The following TENM2 variants were observed in gnomAD, a reference collection of about 807,000 sequenced individuals.
TENM2 encodes the protein teneurin-2.
In TENM2, 52 loss-of-function variants were observed where a neutral mutation model predicts 245.2. The observed-to-expected ratio is 0.21, with a 90% CI of 0.17 to 0.27. The LOEUF is 0.27. TENM2 is among the 10% of genes least tolerant of loss of function. TENM2 has a pLI of 1.00. For synonymous variants in TENM2, 1,363 were observed against 1,438.9 expected (o/e 0.95, Z 1.19); for missense variants, 3,046 against 3,666.8 (o/e 0.83, Z 4.37).
the TENM2 span, among the ~76,000 whole-genome samples, chr5:167,038,715 C>T: frequency 1.4e-4 from 21 of 152,130 alleles, 1 homozygote; most frequent in Non-Finnish European, 4.4e-5. Flanking sequence ...TCACCTTATA[C>T]CTGTGTAATT....
chr5:167,913,747 A>G (rs1378082332), intron 3 of TENM2, among the ~76,000 whole-genome samples: 2 of 152,204 alleles, frequency 1.3e-5, no homozygotes, highest in Non-Finnish European at 2.9e-5. Context: ...TATTTACTCC[A>G]GAAACTACTG....
In TENM2 at chr5:167,673,905, C is replaced by T. The variant is rs561827560; in HGVS notation, c.503-202081C>T. Among the ~76,000 whole-genome samples the T allele has an allele frequency of 6.6e-5, 10 of 152,100 alleles. No individual in the cohort carries two copies. In the South Asian group the frequency reaches 1.7e-3, roughly 25 times the overall value. On this transcript the variant is annotated intron_variant, in intron 2 of 28. Coordinates refer to ENST00000518659, the Ensembl canonical transcript of TENM2. ...ACTGCAGACTCTTTTGTGTCTATAACGGCTCTTATTTTTCCAGCAACTGGG... is the reference window on the plus strand; with the variant it reads ...ACTGCAGACTCTTTTGTGTCTATAATGGCTCTTATTTTTCCAGCAACTGGG...
intron 2 of TENM2, among the ~76,000 whole-genome samples, chr5:167,460,135 A>T (rs746211778): frequency 2.6e-4 from 39 of 152,162 alleles, no homozygotes; most frequent in Non-Finnish European, 5.3e-4. Flanking sequence ...AGGTCCAGAT[A>T]GGTTAAGTAA....
chr5:167,078,693 G>A, the TENM2 span, among the ~76,000 whole-genome samples: 1 of 152,144 alleles, frequency 6.6e-6, no homozygotes, highest in East Asian at 1.9e-4. Flanking sequence ...TTAGGAAATG[G>A]CAAGCCTCTG....
intron 4 of TENM2, among the ~76,000 whole-genome samples, chr5:167,984,680 T>A (rs982662791): frequency 6.6e-6 from 1 of 151,752 alleles, no homozygotes. Flanking sequence ...TATATGCTTG[T>A]TTTTTTTGTA....
intron 20 of TENM2, among the ~76,000 whole-genome samples, chr5:168,212,894 C>T (rs1762896049): frequency 6.6e-6 from 1 of 152,144 alleles, no homozygotes; most frequent in South Asian, 2.1e-4. Context: ...GAATGGTCTC[C>T]CTAAGCAAGA....
intron 12 of TENM2, among the ~76,000 whole-genome samples, chr5:168,154,455 C>T (rs1451715849): frequency 1.3e-5 from 2 of 152,158 alleles, no homozygotes; most frequent in African/African-American, 2.4e-5. Context: ...GAACTCCTGA[C>T]CCCAGGTGAT....
intron 2 of TENM2, among the ~76,000 whole-genome samples, chr5:167,557,458 T>G (rs1773327572): frequency 6.6e-6 from 1 of 152,222 alleles, no homozygotes; most frequent in Non-Finnish European, 1.5e-5. Context: ...CTGCATTTAT[T>G]TTCCTCATTC....
chr5:167,336,176 C>CTTTTTT, intron 1 of TENM2, among the ~76,000 whole-genome samples: 1 of 83,092 alleles, frequency 1.2e-5, no homozygotes, highest in Non-Finnish European at 2.2e-5. Flanking sequence ...TTCATTTCTC[C>CTTTTTT]TTTTTTTTTT....
chr5:168,254,324 T>C (rs554574871), intron 27 of TENM2, among the ~76,000 whole-genome samples: 2 of 152,284 alleles, frequency 1.3e-5, no homozygotes, highest in South Asian at 4.1e-4. Context: ...TTGTGTTGTC[T>C]CAGAAATGCC....
chr5:167,830,039 T>G (rs1037502182), intron 2 of TENM2, among the ~76,000 whole-genome samples: 5 of 152,200 alleles, frequency 3.3e-5, no homozygotes, highest in African/African-American at 1.2e-4. Context: ...ACTGGAAAAA[T>G]GCATTTCCAT....
chr5:168,122,263 G>A (rs760986860), intron 10 of TENM2, among the ~76,000 whole-genome samples: 7 of 152,174 alleles, frequency 4.6e-5, no homozygotes, highest in Non-Finnish European at 7.3e-5. Flanking sequence ...TGCAAGCTCC[G>A]CCTCCCGGGT....
chr5:167,919,950 G>A (rs1035021597), intron 3 of TENM2, among the ~76,000 whole-genome samples: 4 of 152,106 alleles, frequency 2.6e-5, no homozygotes, highest in Middle Eastern at 3.4e-3. Flanking sequence ...TTTTTTGGAC[G>A]AGAAAAGGCA....
At chr5:168,212,687 A>T (rs1762883733) in intron 20 of TENM2, among the ~76,000 whole-genome samples, 1 of 152,142 alleles carries the variant, frequency 6.6e-6, no homozygotes, top group Admixed American at 6.5e-5. Context: ...GGCACCCCAA[A>T]ATTGGCCTGT....
Position 167,891,077 on chromosome 5 carries a change from C to T in TENM2, c.712+14882C>T, listed in dbSNP as rs551146927. Among the ~76,000 whole-genome samples, 197 of 152,120 alleles carry T rather than the reference C, an allele frequency of 1.3e-3. 1 individual carries two copies. Among genetic ancestry groups the T allele is most frequent in the African/African-American group, 4.6e-3 (189 of 41,508 alleles). On this transcript the variant is annotated intron_variant, in intron 3 of 28. Coordinates refer to ENST00000518659, the Ensembl canonical transcript of TENM2. The stretch of plus-strand genomic sequence containing the variant: ...TCTTTTTAAATTTTCTTAATGTACT[C>T]TATGTTTTGTAGGACTTGGTCTACC...
chr5:167,628,373 C>T (rs191028335), intron 2 of TENM2, among the ~76,000 whole-genome samples: 12 of 152,314 alleles, frequency 7.9e-5, no homozygotes, highest in African/African-American at 2.4e-4. Context: ...CACAGCATAA[C>T]GTTGAAGGTC....
chr5:167,111,890 A>G, the TENM2 span, among the ~76,000 whole-genome samples: 786 of 152,272 alleles, frequency 5.2e-3, 8 homozygotes, highest in African/African-American at 0.018. Flanking sequence ...CAAATTACTT[A>G]ATAGAAATAA....
rs138883056 is a variant in TENM2 at position 167,361,026 on chromosome 5, A to G, written c.227-14172A>G. Among the ~76,000 whole-genome samples the G allele has an allele frequency of 4.4e-3, 674 of 152,310 alleles. 12 individuals carry two copies. Among genetic ancestry groups the G allele is most frequent in the African/African-American group, 0.015 (614 of 41,574 alleles). On this transcript the variant is annotated intron_variant, in intron 1 of 28. Coordinates refer to ENST00000518659, the Ensembl canonical transcript of TENM2. ...GCTCCATAACTTTAGCCCAAATTGA[A>G]TGGAACTTGAAAAGACATACGAATG...
At chr5:167,189,000 T>G in the TENM2 span, among the ~76,000 whole-genome samples, 325 of 152,266 alleles carry the variant, frequency 2.1e-3, 2 homozygotes, top group African/African-American at 7.3e-3. Flanking sequence ...TTATTTGCAT[T>G]TTAACACTTT....
Sources: allele counts gnomAD v4.1 joint callset (sites outside exome capture counted in the v4.1 genomes callset), GRCh38; gene constraint gnomAD v4.1.1; transcripts MANE v1.5; gene names NCBI Gene and HGNC (gene_info 2026-07-23, HGNC 2026-07-21).